Variants in LRIG1 observed in about 807,000 individuals in gnomAD.
LRIG1 encodes the protein leucine-rich repeats and immunoglobulin-like domains protein 1.
A neutral mutation model predicts 99.2 loss-of-function variants in LRIG1; 48 were observed. That is an observed-to-expected ratio of 0.48 (90% CI 0.38 to 0.62). The LOEUF is 0.62. LRIG1 is among the 20% of genes least tolerant of loss of function. The pLI is 0.00. For synonymous variants in LRIG1, 772 were observed against 596.1 expected (o/e 1.29, Z -4.30); for missense variants, 1,646 against 1,434.4 (o/e 1.15, Z -2.38).
Position 66,500,432 on chromosome 3 carries a change from C to CCGGGCGCGGGGACTGTG in LRIG1, c.-42_-26dup. On this transcript the variant is annotated 5_prime_UTR_variant, in exon 1 of 19. Transcript: ENST00000273261. ...TCTTGTCTGGAGCGCGCTGCGAACT[C>CCGGGCGCGGGGACTGTG]CGGGCGCGGGGACTGTGAGGACCCG... 1.5e-6 allele frequency: 2 copies of CCGGGCGCGGGGACTGTG among 1,340,062 alleles called. No homozygotes were observed. Among genetic ancestry groups the CCGGGCGCGGGGACTGTG allele is most frequent in the Non-Finnish European group, 1.9e-6 (2 of 1,047,176 alleles). 83.0% of individuals were successfully genotyped at this position (1,340,062 alleles called of 1,614,324 possible).
rs539206946 is a variant in LRIG1 at position 66,490,128 on chromosome 3, T to C, written c.218+10062A>G. On this transcript the variant is annotated intron_variant, in intron 1 of 18. Transcript: ENST00000273261. Reference sequence around the variant, plus strand: ...TCTCCATAGAAGAGTCTCTGATTTTTCCATTGGGTAAAGCATAGCCCTGGA... The same window carrying C: ...TCTCCATAGAAGAGTCTCTGATTTTCCCATTGGGTAAAGCATAGCCCTGGA... 2.6e-5 allele frequency among the ~76,000 whole-genome samples: 4 copies of C among 152,340 alleles called. No homozygotes were observed. The South Asian group carries it at 8.3e-4, about 32-fold the overall frequency.
At chr3:66,380,903 G>A in intron 17 of LRIG1, 42 bp from the exon 18 acceptor site, 1 of 1,595,712 alleles carries the variant, frequency 6.3e-7, no homozygotes. Flanking sequence ...CACTGCTGTG[G>A]GAGTCTTCGT....
At position 66,469,702 on chromosome 3, in the gene LRIG1, C is replaced by G. The variant is rs78429939; in HGVS notation, c.219-7193G>C. On this transcript the variant is annotated intron_variant, in intron 1 of 18. Coordinates refer to ENST00000273261, the MANE Select transcript of LRIG1 (RefSeq NM_015541.3). ...TTTATTGTCTACAAGGTATACTGCA[C>G]TGTGATAAACTGATAACAAATTAGG... Among the ~76,000 whole-genome samples the G allele has an allele frequency of 4.9e-3, 753 of 152,254 alleles. 3 individuals are homozygous for G. The highest frequency in any genetic ancestry group is 0.017 in the African/African-American group (703 of 41,546).
chr3:66,464,097 T>G (rs1453452482), intron 1 of LRIG1, among the ~76,000 whole-genome samples: 1 of 152,138 alleles, frequency 6.6e-6, no homozygotes, highest in African/African-American at 2.4e-5. Context: ...ATTGAGAGAA[T>G]TCTCCCACAT....
intron 3 of LRIG1, among the ~76,000 whole-genome samples, chr3:66,441,630 G>A (rs546345784): frequency 3.3e-5 from 5 of 152,338 alleles, no homozygotes; most frequent in Non-Finnish European, 4.4e-5. Context: ...TTTGGGAGAT[G>A]CATGCTGCAT....
intron 3 of LRIG1, among the ~76,000 whole-genome samples, chr3:66,446,015 G>C (rs1703705177): frequency 6.6e-6 from 1 of 152,192 alleles, no homozygotes; most frequent in African/African-American, 2.4e-5. Context: ...AGCTGCAGCA[G>C]ATCACAGCTG....
intron 3 of LRIG1, among the ~76,000 whole-genome samples, chr3:66,426,266 T>C (rs186014583): frequency 9.2e-5 from 14 of 152,330 alleles, no homozygotes; most frequent in African/African-American, 2.9e-4. Flanking sequence ...GCTGTTATAA[T>C]GTAAAAGCAG....
intron 4 of LRIG1, among the ~76,000 whole-genome samples, chr3:66,416,904 T>C (rs930899791): frequency 2.6e-5 from 4 of 152,256 alleles, no homozygotes; most frequent in Non-Finnish European, 5.9e-5. Flanking sequence ...GTCCCTTGTC[T>C]GTCTGTAATG....
intron 3 of LRIG1, among the ~76,000 whole-genome samples, chr3:66,424,704 T>C (rs916290143): frequency 2.0e-5 from 3 of 152,236 alleles, no homozygotes; most frequent in African/African-American, 7.2e-5. Flanking sequence ...TACTATTATC[T>C]TTATAGGCAG....
intron 2 of LRIG1, 26 bp downstream of exon 2, chr3:66,462,412 C>A: frequency 6.3e-7 from 1 of 1,575,978 alleles, no homozygotes; most frequent in Admixed American, 1.7e-5. Context: ...TCCTTCCATC[C>A]ACCAGAGGTT....
intron 4 of LRIG1, among the ~76,000 whole-genome samples, chr3:66,415,611 G>C (rs573485865): frequency 6.6e-6 from 1 of 152,258 alleles, no homozygotes; most frequent in African/African-American, 2.4e-5. Context: ...TAGCTGAAGA[G>C]ACCTGTGCAG....
chr3:66,487,547 T>G (rs1701002190), intron 1 of LRIG1, among the ~76,000 whole-genome samples: 1 of 152,134 alleles, frequency 6.6e-6, no homozygotes, highest in Admixed American at 6.5e-5. Flanking sequence ...TACATGAAAT[T>G]GAATGATCCC....
chr3:66,385,751 C>G (rs984821578), intron 13 of LRIG1, among the ~76,000 whole-genome samples: 5 of 152,210 alleles, frequency 3.3e-5, no homozygotes, highest in Non-Finnish European at 7.3e-5. Context: ...AGCACCCGGC[C>G]AATAACTAGA....
At chr3:66,437,562 C>A (rs1483898298) in intron 3 of LRIG1, among the ~76,000 whole-genome samples, 2 of 152,172 alleles carry the variant, frequency 1.3e-5, no homozygotes, top group African/African-American at 4.8e-5. Flanking sequence ...CGTGCCCAAG[C>A]CTGTCTCTCC....
chr3:66,386,513 C>A, intron 12 of LRIG1: 1 of 549,386 alleles, frequency 1.8e-6, no homozygotes, highest in South Asian at 2.4e-5. Context: ...TACTGATCAC[C>A]TTTATGATCA....
intron 17 of LRIG1, 78 bp from the exon 18 acceptor site, chr3:66,380,939 G>C (rs1701019691): frequency 3.4e-6 from 5 of 1,457,504 alleles, no homozygotes; most frequent in Non-Finnish European, 4.7e-6. Flanking sequence ...AGGCTGCTCA[G>C]CTCCACTGTG....
intron 3 of LRIG1, among the ~76,000 whole-genome samples, chr3:66,431,456 C>A (rs1283753351): frequency 1.3e-5 from 2 of 152,172 alleles, no homozygotes; most frequent in Non-Finnish European, 2.9e-5. Flanking sequence ...TATCAGGAGG[C>A]TGCCATGCAT....
At chr3:66,458,552 A>T (rs1182588936) in intron 2 of LRIG1, among the ~76,000 whole-genome samples, 2 of 152,034 alleles carry the variant, frequency 1.3e-5, no homozygotes, top group Non-Finnish European at 2.9e-5. Flanking sequence ...AAATACAAAA[A>T]TTAGCTGGGC....
chr3:66,383,546 C>A, intron 14 of LRIG1, 145 bp from the exon 15 acceptor site: 5 of 751,136 alleles, frequency 6.7e-6, no homozygotes, highest in Non-Finnish European at 1.0e-5. Flanking sequence ...TGGAGAAGAC[C>A]CTTCAACTCA....
Sources: allele counts gnomAD v4.1 joint callset (sites outside exome capture counted in the v4.1 genomes callset), GRCh38; gene constraint gnomAD v4.1.1; transcripts MANE v1.5; gene names NCBI Gene and HGNC (gene_info 2026-07-23, HGNC 2026-07-21).